Variants in MAD1L1 observed in about 807,000 individuals in gnomAD.
MAD1L1 encodes mitotic spindle assembly checkpoint protein MAD1.
Under a neutral mutation model 96.9 loss-of-function variants are expected in MAD1L1, and 95 were observed. The observed-to-expected ratio is 0.98, with a 90% CI of 0.83 to 1.16. The LOEUF is 1.16. Ranked by LOEUF, MAD1L1 falls within the 50% of genes most tolerant of loss-of-function variation. The pLI, the probability that MAD1L1 is intolerant of heterozygous loss-of-function variation, is 0.00. For missense variants in MAD1L1, 1,007 were observed against 954.4 expected (o/e 1.06, Z -0.73); for synonymous variants, 473 against 396.6 (o/e 1.19, Z -2.29).
intron 18 of MAD1L1, among the ~76,000 whole-genome samples, chr7:1,840,693 C>A (rs1783203901): frequency 6.6e-6 from 1 of 152,258 alleles, no homozygotes; most frequent in Non-Finnish European, 1.5e-5. Flanking sequence ...CGCGCCACTG[C>A]ACTCCAGCCT....
rs191951924 is a variant in MAD1L1, at chr7:1,834,502, T to C, written c.1999-18274A>G. Among the ~76,000 whole-genome samples, 888 of 152,266 alleles carry C rather than the reference T, an allele frequency of 5.8e-3. 15 individuals are homozygous for C. The highest frequency in any genetic ancestry group is 0.036 in the Admixed American group (556 of 15,300). The stretch of plus-strand genomic sequence containing the variant: ...ATAGTAAGAGAAATTATGAACAACT[T>C]TATGCCAATACCTTTGAAAACAGAT... On this transcript the variant is annotated intron_variant, in intron 18 of 18. Transcript: ENST00000265854.
chr7:1,832,545 A>C (rs970702019), intron 18 of MAD1L1, among the ~76,000 whole-genome samples: 1 of 137,148 alleles, frequency 7.3e-6, no homozygotes. Context: ...ATGGTTTTAG[A>C]GAGCATTGCA....
intron 18 of MAD1L1, among the ~76,000 whole-genome samples, chr7:1,859,290 G>A (rs189776434): frequency 2.0e-5 from 3 of 152,366 alleles, no homozygotes; most frequent in African/African-American, 7.2e-5. Context: ...CCAGGCCACA[G>A]TGGCAACGAC....
intron 13 of MAD1L1, among the ~76,000 whole-genome samples, chr7:2,003,482 A>G (rs771477318): frequency 9.9e-5 from 15 of 152,184 alleles, no homozygotes; most frequent in East Asian, 1.9e-4. Context: ...GCCCAGCCAG[A>G]GCCAGGCTCT....
At chr7:2,056,605 G>C (rs951677321) in intron 12 of MAD1L1, among the ~76,000 whole-genome samples, 1 of 152,208 alleles carries the variant, frequency 6.6e-6, no homozygotes, top group African/African-American at 2.4e-5. Flanking sequence ...ACGTGAGCGA[G>C]GGCGGTGCTC....
In MAD1L1 at chr7:2,111,812, C is replaced by T. The variant is rs894252547; in HGVS notation, c.1073+37340G>A. Among the ~76,000 whole-genome samples the T allele has an allele frequency of 1.1e-4, 17 of 152,190 alleles. No homozygotes were observed. In the East Asian group the frequency reaches 3.1e-3, roughly 28 times the overall value. On this transcript the variant is annotated intron_variant, in intron 11 of 18. Transcript: ENST00000265854. ...CTGCACACACAGCAAACGCACACACCGCGAACGCACACACCGGATGCTTCC... is the reference window on the plus strand; with the variant it reads ...CTGCACACACAGCAAACGCACACACTGCGAACGCACACACCGGATGCTTCC...
At position 1,899,716 on chromosome 7, in the gene MAD1L1, T is replaced by A. The variant is rs561642483; in HGVS notation, c.1808-1326A>T. On this transcript the variant is annotated intron_variant, in intron 17 of 18. Coordinates refer to ENST00000265854, the MANE Select transcript of MAD1L1 (RefSeq NM_001013836.2). Reference sequence around the variant, plus strand: ...GGGGAGTGTGAGGAAAGGTGCAGTGTGAGTGCCTGCTGGCCAGGTCACAGT... The same window carrying A: ...GGGGAGTGTGAGGAAAGGTGCAGTGAGAGTGCCTGCTGGCCAGGTCACAGT... 3.5e-4 allele frequency among the ~76,000 whole-genome samples: 53 copies of A among 152,176 alleles called. 1 individual carries two copies. The highest frequency in any genetic ancestry group is 2.8e-3 in the Admixed American group (43 of 15,284).
At chr7:1,973,228 T>C (rs1262394386) in intron 15 of MAD1L1, among the ~76,000 whole-genome samples, 1 of 152,226 alleles carries the variant, frequency 6.6e-6, no homozygotes, top group African/African-American at 2.4e-5. Context: ...ACTGTAAATG[T>C]AGATCTGCCC....
At chr7:2,182,288 A>G (rs747403026) in intron 10 of MAD1L1, among the ~76,000 whole-genome samples, 34 of 152,028 alleles carry the variant, frequency 2.2e-4, no homozygotes, top group Non-Finnish European at 2.9e-4. Flanking sequence ...AAAAAAATCC[A>G]CTTTAAGATA....
intron 1 of MAD1L1, among the ~76,000 whole-genome samples, chr7:2,231,922 C>A (rs890654042): frequency 6.6e-6 from 1 of 152,114 alleles, no homozygotes; most frequent in African/African-American, 2.4e-5. Context: ...GATGGGAATA[C>A]GGCTGCAGGT....
In MAD1L1 at chr7:1,970,572, G is replaced by C. The variant is rs185576933; in HGVS notation, c.1505+9881C>G. ...TGGTCTCAATCTCCTGACCTCAGGT[G>C]ATCTGCCGGCCTTGGTCTTTCAAAG... On this transcript the variant is annotated intron_variant, in intron 15 of 18. Coordinates refer to ENST00000265854, the MANE Select transcript of MAD1L1 (RefSeq NM_001013836.2). Among the ~76,000 whole-genome samples, 683 of 152,268 alleles carry C rather than the reference G, an allele frequency of 4.5e-3. 8 individuals carry two copies. In the South Asian group the frequency reaches 0.047, roughly 10 times the overall value.
chr7:2,030,131 G>C (rs1783156056), intron 12 of MAD1L1, among the ~76,000 whole-genome samples: 1 of 152,168 alleles, frequency 6.6e-6, no homozygotes, highest in African/African-American at 2.4e-5. Context: ...GGGCACCCCT[G>C]GCTGGCAGAG....
intron 9 of MAD1L1, among the ~76,000 whole-genome samples, chr7:2,213,852 T>C (rs1793115916): frequency 6.6e-6 from 1 of 152,144 alleles, no homozygotes; most frequent in Non-Finnish European, 1.5e-5. Flanking sequence ...CTGAGCCGCA[T>C]CCCAAAGAGG....
At chr7:1,940,962 C>CAGGCCTCAGCCTCCTCTTCCTCT (rs1562545356) in intron 16 of MAD1L1, among the ~76,000 whole-genome samples, 3 of 54,924 alleles carry the variant, frequency 5.5e-5, no homozygotes, top group African/African-American at 6.2e-5. Flanking sequence ...CTTCCTCCCC[C>CAGGCCTCAGCCTCCTCTTCCTCT]CGCAGGCCTC....
chr7:1,829,819 A>G (rs1027920547), intron 18 of MAD1L1, among the ~76,000 whole-genome samples: 2 of 152,198 alleles, frequency 1.3e-5, no homozygotes, highest in Non-Finnish European at 2.9e-5. Flanking sequence ...AAATCTTAAA[A>G]GCAGTCAGAG....
chr7:1,977,068 C>T (rs1189472845), intron 15 of MAD1L1, among the ~76,000 whole-genome samples: 2 of 152,380 alleles, frequency 1.3e-5, no homozygotes, highest in East Asian at 1.9e-4. Context: ...GATCCCACGC[C>T]GGGCTGGGGG....
chr7:1,885,008 C>T (rs147684692), intron 18 of MAD1L1, among the ~76,000 whole-genome samples: 1 of 152,228 alleles, frequency 6.6e-6, no homozygotes, highest in African/African-American at 2.4e-5. Flanking sequence ...TGAAGTTACC[C>T]GTGTTGGTCA....
At chr7:1,857,815 C>T (rs1423338316) in intron 18 of MAD1L1, among the ~76,000 whole-genome samples, 1 of 152,232 alleles carries the variant, frequency 6.6e-6, no homozygotes, top group African/African-American at 2.4e-5. Flanking sequence ...ATGTCCCAGC[C>T]AGTCCTTGTC....
At chr7:2,060,164 G>A (rs576645996) in intron 12 of MAD1L1, among the ~76,000 whole-genome samples, 4 of 146,186 alleles carry the variant, frequency 2.7e-5, no homozygotes, top group African/African-American at 2.6e-5. Context: ...CGCCGAAGCC[G>A]AGATACGCCG....
Sources: gnomAD v4.1 joint callset for allele counts (sites outside exome capture counted in the v4.1 genomes callset) on GRCh38, gnomAD v4.1.1 for gene constraint, MANE v1.5 for transcripts, NCBI Gene and HGNC (gene_info 2026-07-23, HGNC 2026-07-21) for gene names.